The following TET3 variants were observed in gnomAD, a reference collection of about 807,000 sequenced individuals.
TET3 encodes methylcytosine dioxygenase TET3.
Under a neutral mutation model 141.4 loss-of-function variants are expected in TET3, and 19 were observed. The ratio of observed to expected loss-of-function variants is 0.13; its 90% CI spans 0.09 to 0.20. The LOEUF (loss-of-function observed/expected upper bound fraction) is 0.20. Among genes scored for constraint, TET3 ranks in the 10% least tolerant of loss-of-function variants. The pLI is 1.00. For synonymous variants in TET3, 1,043 were observed against 980.9 expected, an observed-to-expected ratio of 1.06 and a Z score of -1.18; for missense variants, 1,874 against 2,356.9, an observed-to-expected ratio of 0.80 and a Z score of 4.24.
intron 3 of TET3, among the ~76,000 whole-genome samples, chr2:74,033,829 C>T (rs912961196): frequency 1.3e-5 from 2 of 152,186 alleles, no homozygotes; most frequent in African/African-American, 2.4e-5. Flanking sequence ...GGCACGGTGG[C>T]TCACTCCTGT....
In TET3 at chr2:74,103,454, CGG is replaced by C. The variant is rs1358538897; in HGVS notation, c.*1282_*1283del. 1 of 152,204 alleles carries C rather than the reference CGG, an allele frequency of 6.6e-6. No individual in the cohort carries two copies. The highest frequency in any genetic ancestry group is 2.4e-5 in the African/African-American group (1 of 41,410). The allele number at this position is 152,204 out of a possible 1,614,324, so 9.4% of individuals were successfully genotyped here. A position where few individuals can be genotyped will look rare whatever the true frequency, so the allele number is the denominator to read the frequency against. Reference sequence around the variant, plus strand: ...GCTTCCTCCATGCTGTCATTGGGTTCGGGGGCCTACACTTAACAATTTTAAAG... The same window carrying C: ...GCTTCCTCCATGCTGTCATTGGGTTCGGGCCTACACTTAACAATTTTAAAG... On this transcript the variant is annotated 3_prime_UTR_variant, in exon 12 of 12. Transcript: ENST00000409262.
the TET3 span, chr2:74,135,332 T>TAGC: frequency 0.68 from 387,711 of 566,362 alleles, 135,441 homozygotes; most frequent in East Asian, 0.93. Flanking sequence ...TCTCTCTCTG[T>TAGC]AGCAGGACAG....
the TET3 span, chr2:74,121,162 A>G: frequency 6.6e-6 from 1 of 152,230 alleles, no homozygotes; most frequent in African/African-American, 2.4e-5. Context: ...AAGGCACACC[A>G]CCAAGCTGCG....
At chr2:74,088,390 C>T (rs1294342392) in intron 7 of TET3, among the ~76,000 whole-genome samples, 1 of 152,132 alleles carries the variant, frequency 6.6e-6, no homozygotes, top group African/African-American at 2.4e-5. Flanking sequence ...TGCCTATAAT[C>T]CCAGCACTTT....
At chr2:74,080,162 AAATGCCCATGTTT>A (rs891184512) in intron 5 of TET3, among the ~76,000 whole-genome samples, 7 of 152,240 alleles carry the variant, frequency 4.6e-5, no homozygotes, top group African/African-American at 1.7e-4. Context: ...GGCTGGATAC[AAATGCCCATGTTT>A]AGCCTTTGGT....
intron 2 of TET3, among the ~76,000 whole-genome samples, chr2:73,998,893 G>A (rs963276058): frequency 2.0e-5 from 3 of 152,148 alleles, no homozygotes; most frequent in Non-Finnish European, 4.4e-5. Flanking sequence ...TGTGTGGAAC[G>A]TAGGCATAGC....
the TET3 span, among the ~76,000 whole-genome samples, chr2:74,123,684 C>T: frequency 5.3e-3 from 805 of 152,302 alleles, 3 homozygotes; most frequent in African/African-American, 0.019. Context: ...ACCACCCCGT[C>T]TGGGAAGTGA....
chr2:74,006,648 C>T (rs1209098120), intron 3 of TET3, among the ~76,000 whole-genome samples: 1 of 152,168 alleles, frequency 6.6e-6, no homozygotes, highest in Non-Finnish European at 1.5e-5. Flanking sequence ...CCTCCCATAC[C>T]CCGGAGGCTG....
At position 74,047,444 on chromosome 2, in the gene TET3, G is replaced by T; in HGVS notation, c.1527G>T (p.Arg509Ser). ...PAPAPSPVLQ[R>S]EAPTPSSEPD... ...CGGCCCCATCCCCTGTACTTCAGAGGGAGGCTCCCACGCCATCCTCGGAGC... is the reference window on the plus strand; with the variant it reads ...CGGCCCCATCCCCTGTACTTCAGAGTGAGGCTCCCACGCCATCCTCGGAGC... Residue 509 changes from arginine (R) to serine (S), a missense_variant, in exon 4 of 12, where the codon AGG (arginine) becomes AGT (serine). By Grantham distance (110) the Arg-to-Ser change is moderately radical. Coordinates refer to ENST00000409262, the MANE Select transcript of TET3 (RefSeq NM_001287491.2). The T allele has an allele frequency of 6.2e-7, 1 of 1,612,642 alleles. No individual in the cohort carries two copies. The highest frequency in any genetic ancestry group is 8.5e-7 in the Non-Finnish European group (1 of 1,179,806).
intron 6 of TET3, among the ~76,000 whole-genome samples, chr2:74,085,691 C>T (rs977391342): frequency 7.9e-5 from 12 of 151,062 alleles, no homozygotes; most frequent in Admixed American, 3.9e-4. Context: ...GGAGCTCAGG[C>T]GGTAACGCCC....
Position 74,046,684 on chromosome 2 carries a change from T to C in TET3, c.767T>C (p.Leu256Pro). ...GCTGGCAGCGAAGACCTTGACACACTGCAGACGGCCCTGGCCCTCGCGCGG... is the reference window on the plus strand; with the variant it reads ...GCTGGCAGCGAAGACCTTGACACACCGCAGACGGCCCTGGCCCTCGCGCGG... The part of the protein sequence containing the change: ...CSAGSEDLDT[L>P]QTALALARHG... The change falls in exon 4 of 12, where the codon CTG becomes CCG. Residue 256 changes from leucine (L) to proline (P), a missense_variant. Physicochemically the swap from Leu to Pro is moderately conservative, Grantham distance 98. Transcript: ENST00000409262. The surrounding 1 kb of genome is among the most constrained non-coding windows in gnomAD (Gnocchi z 4.3). 6.2e-7 allele frequency: 1 copy of C among 1,614,018 alleles called. No homozygotes were observed. Among genetic ancestry groups the C allele is most frequent in the Non-Finnish European group, 8.5e-7 (1 of 1,179,884 alleles).
chr2:74,029,662 C>G (rs541546694), intron 3 of TET3, among the ~76,000 whole-genome samples: 2 of 152,256 alleles, frequency 1.3e-5, no homozygotes, highest in East Asian at 3.9e-4. Flanking sequence ...ATTTTTACAT[C>G]TTTTTTATTC....
downstream of TET3, among the ~76,000 whole-genome samples, chr2:74,110,443 A>C (rs952862907): frequency 1.3e-5 from 2 of 152,200 alleles, no homozygotes; most frequent in African/African-American, 4.8e-5. Flanking sequence ...CTCTGAAAAT[A>C]ATGGGCATTC....
rs577187640 is a variant in TET3 at position 74,061,995 on chromosome 2, C to T, written c.2495-11554C>T. ...CAGACAATGGGCGACCAGGCAGAGA[C>T]GCTCCTCACTTCCCAGACGGGGTGG... is the stretch of plus-strand genomic sequence containing the variant. On this transcript the variant is annotated intron_variant, in intron 4 of 11. Coordinates refer to ENST00000409262, the MANE Select transcript of TET3 (RefSeq NM_001287491.2). Among the ~76,000 whole-genome samples the T allele has an allele frequency of 4.6e-5, 7 of 151,902 alleles. No homozygotes were observed. The East Asian group carries it at 7.8e-4, about 17-fold the overall frequency.
rs1199561563 is a variant in TET3, at chr2:74,101,849, C to G, written c.5061C>G (p.Thr1687=). Residue 1687 remains threonine (T), a synonymous_variant, in exon 12 of 12, where the codon ACC becomes ACG. Coordinates refer to ENST00000409262, the MANE Select transcript of TET3 (RefSeq NM_001287491.2). The surrounding 1 kb of genome is among the most constrained non-coding windows in gnomAD (Gnocchi z 8.5). Reference sequence around the variant, plus strand: ...AGAAGCCCAACCGCTGCCACCCCACCCGCATCTCGCTGGTCTTCTACCAGC... The same window carrying G: ...AGAAGCCCAACCGCTGCCACCCCACGCGCATCTCGCTGGTCTTCTACCAGC... ...PLKKPNRCHP[T]RISLVFYQHK... 6.8e-6 allele frequency: 11 copies of G among 1,613,176 alleles called. No individual in the cohort carries two copies. The highest frequency in any genetic ancestry group is 9.3e-6 in the Non-Finnish European group (11 of 1,179,812).
chr2:74,100,121 G>T (rs897791029), intron 11 of TET3, among the ~76,000 whole-genome samples: 1 of 152,116 alleles, frequency 6.6e-6, no homozygotes, highest in African/African-American at 2.4e-5. Flanking sequence ...GAGAGGAGTC[G>T]GTGGGGGTAC....
intron 4 of TET3, among the ~76,000 whole-genome samples, chr2:74,049,041 G>C (rs1687799412): frequency 6.6e-6 from 1 of 152,164 alleles, no homozygotes; most frequent in African/African-American, 2.4e-5. Context: ...GAAGCTTGAG[G>C]GCACTGAGGA....
At position 74,104,422 on chromosome 2, in the gene TET3, A is replaced by AG. The variant is rs1691395497; in HGVS notation, c.*2248dup. 1 of 152,216 alleles carries AG rather than the reference A, an allele frequency of 6.6e-6. No individual in the cohort carries two copies. 9.4% of individuals were successfully genotyped at this position (152,216 alleles called of 1,614,324 possible). ...TGAGCATGCTAATTTTCTAGTTTTG[A>AG]GGAAAAATTGGGTCCTTTAAATGCT... On this transcript the variant is annotated 3_prime_UTR_variant, in exon 12 of 12. Coordinates refer to ENST00000409262, the MANE Select transcript of TET3 (RefSeq NM_001287491.2).
At chr2:74,058,952 A>G (rs1387945118) in intron 4 of TET3, among the ~76,000 whole-genome samples, 2 of 152,212 alleles carry the variant, frequency 1.3e-5, no homozygotes, top group Non-Finnish European at 2.9e-5. Flanking sequence ...GACCAGGCTC[A>G]TTTGTTGATC....
Sources: gnomAD v4.1 joint callset for allele counts (sites outside exome capture counted in the v4.1 genomes callset) on GRCh38, gnomAD v4.1.1 for gene constraint, Gnocchi (gnomAD v3.1) non-coding constraint, MANE v1.5 for transcripts, NCBI Gene and HGNC (gene_info 2026-07-23, HGNC 2026-07-21) for gene names.